The following DMD variants were observed in gnomAD, a reference collection of about 807,000 sequenced individuals.
The protein encoded by DMD is dystrophin.
Under a neutral mutation model 330.1 loss-of-function variants are expected in DMD, and 63 were observed. That is an observed-to-expected ratio of 0.19 (90% CI 0.16 to 0.24). The LOEUF (loss-of-function observed/expected upper bound fraction) is 0.24. Among genes scored for constraint, DMD ranks in the 10% least tolerant of loss-of-function variants. The pLI is 1.00. For synonymous variants in DMD, 1,223 were observed against 959.8 expected (o/e 1.27, Z -5.07); for missense variants, 3,344 against 2,684.1 (o/e 1.25, Z -5.43).
At chrX:33,222,220 G>A (rs1410658067) in intron 1 of DMD, among the ~76,000 whole-genome samples, 2 of 111,948 alleles carry the variant, frequency 1.8e-5, no homozygotes, top group East Asian at 5.6e-4. Context: ...TTTATTTCCA[G>A]GATGTAAATC....
intron 7 of DMD, among the ~76,000 whole-genome samples, chrX:32,731,550 C>T (rs1042323540): frequency 8.0e-5 from 9 of 112,371 alleles, no homozygotes; most frequent in Admixed American, 1.9e-4. Flanking sequence ...TCTCCCAGTA[C>T]GCAGCTGGAG....
At chrX:32,899,302 A>G (rs1284039445) in intron 2 of DMD, among the ~76,000 whole-genome samples, 1 of 111,491 alleles carries the variant, frequency 9.0e-6, no homozygotes, top group Non-Finnish European at 1.9e-5. Flanking sequence ...TCACTGTATT[A>G]TTTTATTTTA....
intron 1 of DMD, among the ~76,000 whole-genome samples, chrX:33,237,077 C>T (rs994272947): frequency 4.5e-5 from 5 of 110,384 alleles, no homozygotes; most frequent in Admixed American, 2.9e-4. Context: ...TTGAGGGAAA[C>T]GGTTGTACAA....
chrX:31,830,589 C>T (rs766557779), intron 49 of DMD, among the ~76,000 whole-genome samples: 11 of 111,870 alleles, frequency 9.8e-5, no homozygotes, highest in East Asian at 5.6e-4. Flanking sequence ...AGCGAAACTC[C>T]GTCTCAAAAA....
At chrX:32,486,832 A>C (rs773242644) in intron 20 of DMD, among the ~76,000 whole-genome samples, 20 of 104,074 alleles carry the variant, frequency 1.9e-4, no homozygotes, top group South Asian at 4.4e-4. Flanking sequence ...CTTCCTTACA[A>C]CTTATACAAA....
At chrX:31,612,523 A>C (rs1031949926) in intron 55 of DMD, among the ~76,000 whole-genome samples, 3 of 111,927 alleles carry the variant, frequency 2.7e-5, no homozygotes, top group Non-Finnish European at 3.8e-5. Context: ...AAGAAAAAGA[A>C]ATAGGAAATA....
rs1167154749 is a variant in DMD at position 32,345,927 on chromosome X, A to C, written c.5586+16T>G. ...AAAACCACAGGCAAGGTATATTATA[A>C]TTTTAGCTCTAATACCTTGAGAGCA... On this transcript the variant is annotated intron_variant, in intron 39 of 78. Coordinates refer to ENST00000357033, the MANE Select transcript of DMD (RefSeq NM_004006.3). 6 of 1,206,249 alleles carry C rather than the reference A, an allele frequency of 5.0e-6. No individual in the cohort carries two copies. The highest frequency in any genetic ancestry group is 6.7e-6 in the Non-Finnish European group (6 of 892,209).
chrX:31,539,084 C>T (rs1330291448), intron 55 of DMD, among the ~76,000 whole-genome samples: 1 of 111,448 alleles, frequency 9.0e-6, no homozygotes, highest in Non-Finnish European at 1.9e-5. Flanking sequence ...ATGAAGTAGC[C>T]TAGAGATGAC....
At chrX:32,411,484 T>C (rs986807134) in intron 30 of DMD, among the ~76,000 whole-genome samples, 1 of 111,494 alleles carries the variant, frequency 9.0e-6, no homozygotes, top group Admixed American at 9.6e-5. Context: ...GCTTTTAGTA[T>C]AGTTTGAAGT....
intron 74 of DMD, among the ~76,000 whole-genome samples, chrX:31,158,635 A>G (rs1427247251): frequency 3.6e-5 from 4 of 111,833 alleles, no homozygotes. Flanking sequence ...TAAATGGGTA[A>G]CTCCTATGGT....
chrX:31,756,656 T>C (rs989230474), intron 51 of DMD, among the ~76,000 whole-genome samples: 1 of 112,674 alleles, frequency 8.9e-6, no homozygotes, highest in African/African-American at 3.2e-5. Context: ...ATTAGAAATA[T>C]TGAATATGAT....
chrX:32,141,587 C>T (rs1045713418), intron 44 of DMD, among the ~76,000 whole-genome samples: 5 of 110,858 alleles, frequency 4.5e-5, no homozygotes, highest in Non-Finnish European at 9.4e-5. Context: ...CTCTCTGTGC[C>T]TCCTAAAACA....
intron 2 of DMD, among the ~76,000 whole-genome samples, chrX:33,006,388 A>C (rs1249169530): frequency 8.9e-6 from 1 of 112,197 alleles, no homozygotes; most frequent in Non-Finnish European, 1.9e-5. Flanking sequence ...TTGGCAAAAT[A>C]ATAGACAAAT....
intron 62 of DMD, among the ~76,000 whole-genome samples, chrX:31,303,144 C>T (rs749507194): frequency 9.0e-6 from 1 of 111,350 alleles, no homozygotes; most frequent in Non-Finnish European, 1.9e-5. Flanking sequence ...AAAAATTAGT[C>T]TTTTTTATTT....
chrX:31,392,529 T>C (rs994122135), intron 60 of DMD, among the ~76,000 whole-genome samples: 2 of 112,043 alleles, frequency 1.8e-5, no homozygotes, highest in Admixed American at 9.5e-5. Flanking sequence ...GGTGTCAAGA[T>C]TGGGTCTTCT....
intron 9 of DMD, among the ~76,000 whole-genome samples, chrX:32,659,751 G>C (rs1334413076): frequency 9.0e-6 from 1 of 110,715 alleles, no homozygotes; most frequent in African/African-American, 3.3e-5. Context: ...TTCCATGACA[G>C]AGCAGGGACA....
chrX:31,749,239 C>G (rs1301146601), intron 51 of DMD, among the ~76,000 whole-genome samples: 1 of 106,295 alleles, frequency 9.4e-6, no homozygotes, highest in Admixed American at 1.0e-4. Flanking sequence ...GCACGCTGCA[C>G]CCACTAACCC....
intron 44 of DMD, among the ~76,000 whole-genome samples, chrX:32,200,281 C>G (rs1192235612): frequency 9.0e-6 from 1 of 111,597 alleles, no homozygotes; most frequent in African/African-American, 3.3e-5. Context: ...ACAAAAGTCT[C>G]AAAGTTTACT....
rs1337963981 is a variant in DMD at position 31,932,062 on chromosome X, T to C, written c.6762+18A>G. 1 of 1,209,432 alleles carries C rather than the reference T, an allele frequency of 8.3e-7. No homozygotes were observed. Among genetic ancestry groups the C allele is most frequent in the Admixed American group, 2.2e-5 (1 of 45,987 alleles). ...TTTATGCAAGCAGGCCCTGGGGGAT[T>C]TGAGAAAATAAAATTACCTTGACTT... On this transcript the variant is annotated intron_variant, in intron 46 of 78. Coordinates refer to ENST00000357033, the MANE Select transcript of DMD (RefSeq NM_004006.3).
Sources: gnomAD v4.1 joint callset for allele counts (sites outside exome capture counted in the v4.1 genomes callset) on GRCh38, gnomAD v4.1.1 for gene constraint, MANE v1.5 for transcripts, NCBI Gene and HGNC (gene_info 2026-07-23, HGNC 2026-07-21) for gene names.